The following EML1 variants were observed in gnomAD, a reference collection of about 807,000 sequenced individuals.
EML1 encodes EMAP like 1.
Under a neutral mutation model 110.4 loss-of-function variants are expected in EML1, and 27 were observed. The ratio of observed to expected loss-of-function variants is 0.24; its 90% confidence interval spans 0.18 to 0.34. The LOEUF (loss-of-function observed/expected upper bound fraction) is 0.34, where lower values mean the gene tolerates loss of function less well. Ranked by LOEUF, EML1 falls within the 10% of genes least tolerant of loss-of-function variation. The pLI, the probability that EML1 is intolerant of heterozygous loss-of-function variation, is 1.00. For missense variants in EML1, 741 were observed against 1,030.9 expected, an observed-to-expected ratio of 0.72 and a Z score of 3.85; for synonymous variants, 344 against 385.8, an observed-to-expected ratio of 0.89 and a Z score of 1.27.
At chr14:99,764,708 A>G (rs1459018456) in intron 1 of EML1, among the ~76,000 whole-genome samples, 2 of 152,230 alleles carry the variant, frequency 1.3e-5, no homozygotes, top group African/African-American at 2.4e-5. Context: ...GCCCAGGCAC[A>G]GAAGCAGCAG....
At chr14:99,833,017 C>T (rs1302251598) in intron 1 of EML1, among the ~76,000 whole-genome samples, 2 of 152,084 alleles carry the variant, frequency 1.3e-5, no homozygotes, top group Non-Finnish European at 2.9e-5. Context: ...GCATAGTACT[C>T]AATAAGTTTT....
intron 1 of EML1, among the ~76,000 whole-genome samples, chr14:99,821,915 GTGTT>G (rs923290498): frequency 2.8e-4 from 42 of 152,350 alleles, no homozygotes; most frequent in Non-Finnish European, 4.7e-4. Flanking sequence ...GATAGCTAGA[GTGTT>G]TGTTCACTCC....
intron 1 of EML1, among the ~76,000 whole-genome samples, chr14:99,822,534 A>G (rs1049533488): frequency 1.3e-5 from 2 of 152,172 alleles, no homozygotes; most frequent in African/African-American, 4.8e-5. Context: ...GGAAATAAAG[A>G]TCTTGTACTG....
chr14:99,914,047 A>G, intron 13 of EML1, 132 bp from the exon 14 acceptor site: 1 of 1,101,722 alleles, frequency 9.1e-7, no homozygotes, highest in Admixed American at 2.8e-5. Context: ...TATATATTTG[A>G]ACGTACATTA....
intron 2 of EML1, among the ~76,000 whole-genome samples, chr14:99,853,937 C>T (rs1490342076): frequency 6.6e-6 from 1 of 152,220 alleles, no homozygotes; most frequent in Non-Finnish European, 1.5e-5. Context: ...TCCCAAAGTG[C>T]TGGGATTACA....
chr14:99,892,988 G>A lies in EML1; in HGVS notation c.548-1641G>A, dbSNP rs373069217. 5.9e-5 allele frequency among the ~76,000 whole-genome samples: 9 copies of A among 152,182 alleles called. No homozygotes were observed. In the South Asian group the frequency reaches 1.9e-3, roughly 32 times the overall value. Reference sequence around the variant, plus strand: ...TCGTTTGGGTGCTTTTAGATTCTTTGGTTGTGGTAGCCACACAGCCCCTGA... The same window carrying A: ...TCGTTTGGGTGCTTTTAGATTCTTTAGTTGTGGTAGCCACACAGCCCCTGA... On this transcript the variant is annotated intron_variant, in intron 5 of 21. Transcript: ENST00000262233.
intron 1 of EML1, among the ~76,000 whole-genome samples, chr14:99,745,092 A>T (rs2057090223): frequency 6.6e-6 from 1 of 151,366 alleles, no homozygotes; most frequent in Non-Finnish European, 1.5e-5. Flanking sequence ...TTTGAGACAG[A>T]CTCTTGCTCT....
At position 99,796,232 on chromosome 14, in the gene EML1, A is replaced by G. The variant is rs1031148300; in HGVS notation, c.67+2689A>G. Among the ~76,000 whole-genome samples, 20 of 101,572 alleles carry G rather than the reference A, an allele frequency of 2.0e-4. No homozygotes were observed. The East Asian group carries it at 3.2e-3, about 16-fold the overall frequency. The allele number at this position is 101,572 out of a possible 152,430, so 66.6% of individuals were successfully genotyped here. On this transcript the variant is annotated intron_variant, in intron 1 of 21. Coordinates refer to ENST00000262233, the MANE Select transcript of EML1 (RefSeq NM_004434.3). ...AGAGAGAGAGAGAGAGAGAGAGAGA[A>G]GATAATGTGTAAATGAGAAGGGAGA...
intron 1 of EML1, among the ~76,000 whole-genome samples, chr14:99,816,195 A>T (rs2058164420): frequency 6.6e-6 from 1 of 151,984 alleles, no homozygotes; most frequent in Non-Finnish European, 1.5e-5. Flanking sequence ...ACGGAGTCTC[A>T]CTCTGTCGCC....
chr14:99,844,575 A>G (rs1398048830), intron 1 of EML1, among the ~76,000 whole-genome samples: 1 of 152,132 alleles, frequency 6.6e-6, no homozygotes, highest in Non-Finnish European at 1.5e-5. Context: ...ATTCAATAAA[A>G]ACTGTCATTT....
At chr14:99,759,000 C>G (rs553188239) in intron 1 of EML1, among the ~76,000 whole-genome samples, 9 of 152,332 alleles carry the variant, frequency 5.9e-5, no homozygotes, top group African/African-American at 2.2e-4. Flanking sequence ...TGCTTCACGC[C>G]CATAGATGTG....
rs1566942975 is a variant in EML1 at position 99,927,972 on chromosome 14, ATGGTGGTGG to A, written c.1909+7104_1909+7112del. ...GGTGGTGGAGGTGGTGGTGGTGGTG[ATGGTGGTGG>A]TGGTGGTGATGGTGGTGGTGGTGGA... On this transcript the variant is annotated intron_variant, in intron 17 of 21. Transcript: ENST00000262233. Among the ~76,000 whole-genome samples, 2 of 772 alleles carry A rather than the reference ATGGTGGTGG, an allele frequency of 2.6e-3. 1 individual carries two copies. The highest frequency in any genetic ancestry group is 0.019 in the Admixed American group (2 of 104). The allele number at this position is 772 out of a possible 152,430, so 0.5% of individuals were successfully genotyped here.
intron 4 of EML1, among the ~76,000 whole-genome samples, chr14:99,879,545 T>C (rs2059351020): frequency 1.3e-5 from 2 of 152,194 alleles, no homozygotes; most frequent in Non-Finnish European, 2.9e-5. Context: ...GGTGATTCAG[T>C]CCTATAAAGG....
chr14:99,935,936 G>C, intron 17 of EML1, 93 bp from the exon 18 acceptor site: 1 of 1,179,102 alleles, frequency 8.5e-7, no homozygotes, highest in East Asian at 2.4e-5. Flanking sequence ...TGGTGATTTT[G>C]TCTAAATCTG....
intron 1 of EML1, among the ~76,000 whole-genome samples, chr14:99,810,370 G>A (rs10141863): frequency 0.4 from 60,595 of 152,054 alleles, 12,909 homozygotes; most frequent in South Asian, 0.57. Context: ...GTGAAAAGTA[G>A]CAGTGACACT....
intron 1 of EML1, among the ~76,000 whole-genome samples, chr14:99,741,861 G>A (rs2140160121): frequency 6.6e-6 from 1 of 152,308 alleles, no homozygotes; most frequent in South Asian, 2.1e-4. Context: ...AAGGGTATGA[G>A]ATGCCTGGAG....
At chr14:99,807,605 G>A (rs186713456) in intron 1 of EML1, among the ~76,000 whole-genome samples, 164 of 152,238 alleles carry the variant, frequency 1.1e-3, no homozygotes, top group African/African-American at 3.5e-3. Flanking sequence ...GGACAGAGCC[G>A]CCAGACAGGA....
chr14:99,923,309 A>G (rs11628415), intron 17 of EML1, among the ~76,000 whole-genome samples: 94,755 of 152,086 alleles, frequency 0.62, 29,647 homozygotes, highest in Non-Finnish European at 0.63. Context: ...CAGTTTATCA[A>G]TTTTTCCTTT....
chr14:99,786,061 CAAAAA>C (rs56240053), intron 1 of EML1, among the ~76,000 whole-genome samples: 13,559 of 120,328 alleles, frequency 0.11, 884 homozygotes, highest in African/African-American at 0.22. Flanking sequence ...CCTGGCTGCT[CAAAAA>C]AAAAAAAAAA....
Sources: gnomAD v4.1 joint callset for allele counts (sites outside exome capture counted in the v4.1 genomes callset) on GRCh38, gnomAD v4.1.1 for gene constraint, MANE v1.5 for transcripts, NCBI Gene and HGNC (gene_info 2026-07-23, HGNC 2026-07-21) for gene names.